FGGY: variants seen among roughly 807,000 people sequenced by gnomAD.
FGGY encodes FGGY carbohydrate kinase domain-containing protein.
FGGY carries 72 observed loss-of-function variants against 71.3 expected under a neutral mutation model. The observed-to-expected ratio is 1.01, with a 90% CI of 0.84 to 1.23. FGGY has a LOEUF of 1.23. Ranked by LOEUF, FGGY falls within the 50% of genes most tolerant of loss-of-function variation. The pLI is 0.00. For missense variants in FGGY, 668 were observed against 682.3 expected, an observed-to-expected ratio of 0.98 and a Z score of 0.23; for synonymous variants, 251 against 250.3, an observed-to-expected ratio of 1.00 and a Z score of -0.02.
chr1:59,591,527 G>T (rs947001286), intron 8 of FGGY, among the ~76,000 whole-genome samples: 44 of 152,164 alleles, frequency 2.9e-4, no homozygotes, highest in Non-Finnish European at 5.4e-4. Context: ...CACGCTACCT[G>T]ACTTCAAACT....
intron 6 of FGGY, among the ~76,000 whole-genome samples, chr1:59,498,144 A>G (rs2094105673): frequency 6.6e-6 from 1 of 152,188 alleles, no homozygotes; most frequent in African/African-American, 2.4e-5. Flanking sequence ...TCATTTATTT[A>G]GTGCTTACTA....
At chr1:59,421,356 A>G (rs1332201144) in intron 5 of FGGY, among the ~76,000 whole-genome samples, 1 of 152,140 alleles carries the variant, frequency 6.6e-6, no homozygotes, top group African/African-American at 2.4e-5. Context: ...ATTTTTTGAA[A>G]GATACCTCCT....
At chr1:59,616,769 T>C (rs1473351674) in intron 9 of FGGY, among the ~76,000 whole-genome samples, 1 of 152,132 alleles carries the variant, frequency 6.6e-6, no homozygotes, top group Non-Finnish European at 1.5e-5. Context: ...CAATGCCTAA[T>C]ATTATTTTGA....
chr1:59,638,112 C>T lies in FGGY; in HGVS notation c.1074-116C>T, dbSNP rs2096980141. 9 of 1,046,808 alleles carry T rather than the reference C, an allele frequency of 8.6e-6. No homozygotes were observed. The East Asian group carries it at 2.2e-4, about 25-fold the overall frequency. 64.8% of individuals were successfully genotyped at this position (1,046,808 alleles called of 1,614,324 possible). On this transcript the variant is annotated intron_variant, in intron 10 of 15. Transcript: ENST00000303721. ...GTACAGTGGGCTAGCTTCTCTGAAGCTTTTAGGAGCCTGCTTACTTTCCTG... is the reference window on the plus strand; with the variant it reads ...GTACAGTGGGCTAGCTTCTCTGAAGTTTTTAGGAGCCTGCTTACTTTCCTG...
intron 8 of FGGY, among the ~76,000 whole-genome samples, chr1:59,576,644 G>T (rs1257742808): frequency 6.7e-6 from 1 of 150,094 alleles, no homozygotes; most frequent in Non-Finnish European, 1.5e-5. Flanking sequence ...AGTGATATTT[G>T]CTAGAGATTA....
At chr1:59,531,290 T>C (rs17119573) in intron 7 of FGGY, among the ~76,000 whole-genome samples, 3,948 of 152,304 alleles carry the variant, frequency 0.026, 177 homozygotes, top group African/African-American at 0.091. Flanking sequence ...CACTTTTATA[T>C]GCCAAAATTT....
At chr1:59,434,845 G>C (rs2068087534) in intron 5 of FGGY, among the ~76,000 whole-genome samples, 1 of 152,106 alleles carries the variant, frequency 6.6e-6, no homozygotes, top group Non-Finnish European at 1.5e-5. Flanking sequence ...GAATTTTGAG[G>C]GGGGGATACA....
chr1:59,546,521 A>T (rs1476755437), intron 7 of FGGY, among the ~76,000 whole-genome samples: 2 of 84,210 alleles, frequency 2.4e-5, no homozygotes, highest in Non-Finnish European at 5.2e-5. Context: ...GATGATGATG[A>T]TGATGATGAT....
intron 14 of FGGY, among the ~76,000 whole-genome samples, chr1:59,684,444 A>G (rs2097529239): frequency 6.6e-6 from 1 of 152,178 alleles, no homozygotes; most frequent in Admixed American, 6.5e-5. Context: ...TGACGGAGCT[A>G]GAACTCAGGG....
At chr1:59,443,893 G>C (rs541526260) in intron 5 of FGGY, among the ~76,000 whole-genome samples, 2 of 152,166 alleles carry the variant, frequency 1.3e-5, no homozygotes, top group Non-Finnish European at 2.9e-5. Context: ...CTGGCACCAG[G>C]GCATGGGACC....
At chr1:59,475,770 CT>C (rs1180204542) in intron 6 of FGGY, among the ~76,000 whole-genome samples, 1 of 152,194 alleles carries the variant, frequency 6.6e-6, no homozygotes, top group Admixed American at 6.5e-5. Flanking sequence ...AGTTTTATTT[CT>C]TGCTGGATTT....
At chr1:59,747,879 G>T (rs1254145559) in intron 14 of FGGY, among the ~76,000 whole-genome samples, 1 of 152,180 alleles carries the variant, frequency 6.6e-6, no homozygotes, top group Non-Finnish European at 1.5e-5. Flanking sequence ...CTGGAGATCT[G>T]CCTGTTGACT....
intron 14 of FGGY, among the ~76,000 whole-genome samples, chr1:59,674,996 C>T (rs148083293): frequency 6.4e-4 from 98 of 152,292 alleles, no homozygotes; most frequent in African/African-American, 2.2e-3. Context: ...GACAGCGCAT[C>T]GTGAGTTCTG....
intron 5 of FGGY, among the ~76,000 whole-genome samples, chr1:59,391,895 T>C (rs1373250818): frequency 1.3e-5 from 2 of 152,230 alleles, no homozygotes; most frequent in Non-Finnish European, 2.9e-5. Context: ...ATTCCTCACT[T>C]ACAAATAGAT....
At chr1:59,420,658 AT>A (rs949712163) in intron 5 of FGGY, among the ~76,000 whole-genome samples, 1 of 152,042 alleles carries the variant, frequency 6.6e-6, no homozygotes, top group African/African-American at 2.4e-5. Context: ...CCCCAAATGT[AT>A]TTTTCCAAGT....
intron 5 of FGGY, among the ~76,000 whole-genome samples, chr1:59,410,889 C>T (rs2153425770): frequency 6.6e-6 from 1 of 152,248 alleles, no homozygotes; most frequent in Non-Finnish European, 1.5e-5. Flanking sequence ...GTACCTATCA[C>T]CTATTGAAGC....
intron 4 of FGGY, among the ~76,000 whole-genome samples, chr1:59,370,951 C>G (rs1249786391): frequency 6.6e-6 from 1 of 152,042 alleles, no homozygotes; most frequent in Non-Finnish European, 1.5e-5. Flanking sequence ...ACTGCAAAAT[C>G]ATGGCAAAAT....
At chr1:59,399,299 A>G (rs886543882) in intron 5 of FGGY, among the ~76,000 whole-genome samples, 13 of 152,184 alleles carry the variant, frequency 8.5e-5, no homozygotes, top group Non-Finnish European at 1.3e-4. Flanking sequence ...AATAACAGTA[A>G]CAGTCAACAC....
At chr1:59,549,774 C>CT (rs751446474) in intron 7 of FGGY, among the ~76,000 whole-genome samples, 1 of 152,116 alleles carries the variant, frequency 6.6e-6, no homozygotes, top group African/African-American at 2.4e-5. Context: ...TGCAAAGTCT[C>CT]TTTTTTATTT....
Sources: allele counts gnomAD v4.1 joint callset (sites outside exome capture counted in the v4.1 genomes callset), GRCh38; gene constraint gnomAD v4.1.1; transcripts MANE v1.5; gene names NCBI Gene and HGNC (gene_info 2026-07-23, HGNC 2026-07-21).